GREM2: variants seen among roughly 807,000 people sequenced by gnomAD.
GREM2 encodes gremlin-2.
Under a neutral mutation model 14.2 loss-of-function variants are expected in GREM2, and 11 were observed. That is an observed-to-expected ratio of 0.78 (90% CI 0.49 to 1.28). GREM2 has a LOEUF of 1.28. Ranked by LOEUF, GREM2 falls within the 50% of genes most tolerant of loss-of-function variation. GREM2 has a pLI of 0.00. For missense variants in GREM2, 210 were observed against 218.5 expected (o/e 0.96, Z 0.24); for synonymous variants, 98 against 97.6 (o/e 1.00, Z -0.02).
chr1:240,515,659 C>G (rs1014739014), intron 1 of GREM2, among the ~76,000 whole-genome samples: 3 of 152,120 alleles, frequency 2.0e-5, no homozygotes, highest in African/African-American at 7.2e-5. Context: ...GGATAGGGGT[C>G]ATTGCAAAAT....
At chr1:240,586,875 T>G (rs2102860829) in intron 1 of GREM2, among the ~76,000 whole-genome samples, 1 of 152,312 alleles carries the variant, frequency 6.6e-6, no homozygotes, top group Non-Finnish European at 1.5e-5. Flanking sequence ...TCAGTTCTAC[T>G]TTTCTACTGA....
chr1:240,545,324 T>C (rs1469398776), intron 1 of GREM2, among the ~76,000 whole-genome samples: 1 of 152,224 alleles, frequency 6.6e-6, no homozygotes, highest in Non-Finnish European at 1.5e-5. Context: ...TCCTGGAGAT[T>C]GGTGCCCAGG....
intron 1 of GREM2, among the ~76,000 whole-genome samples, chr1:240,521,505 A>G (rs1158970327): frequency 6.6e-6 from 1 of 151,956 alleles, no homozygotes; most frequent in East Asian, 1.9e-4. Flanking sequence ...CGGGAGGCGG[A>G]GCTTACAGTG....
intron 1 of GREM2, among the ~76,000 whole-genome samples, chr1:240,602,366 CTTAAT>C (rs996351965): frequency 1.3e-4 from 19 of 151,976 alleles, no homozygotes; most frequent in African/African-American, 4.6e-4. Context: ...ATGTTTTTTC[CTTAAT>C]TTATTTTTTT....
chr1:240,497,561 ATGGGCAAAAGCAAAGGGTT>A (rs559899048), intron 1 of GREM2, among the ~76,000 whole-genome samples: 1 of 151,690 alleles, frequency 6.6e-6, no homozygotes, highest in Non-Finnish European at 1.5e-5. Flanking sequence ...GGGCGATGAT[ATGGGCAAAAGCAAAGGGTT>A]TGGTACTGTC....
chr1:240,518,757 G>A (rs1461554021), intron 1 of GREM2, among the ~76,000 whole-genome samples: 2 of 152,182 alleles, frequency 1.3e-5, no homozygotes, highest in African/African-American at 4.8e-5. Flanking sequence ...CAAAAGTTAT[G>A]CCATTGGTCA....
chr1:240,575,618 T>C (rs1050733132), intron 1 of GREM2, among the ~76,000 whole-genome samples: 1 of 151,850 alleles, frequency 6.6e-6, no homozygotes, highest in African/African-American at 2.4e-5. Context: ...CCTCCCGGGT[T>C]CAAGCGATTC....
intron 1 of GREM2, among the ~76,000 whole-genome samples, chr1:240,528,329 G>A (rs1336293443): frequency 6.6e-6 from 1 of 152,040 alleles, no homozygotes; most frequent in African/African-American, 2.4e-5. Context: ...TGACATTTCT[G>A]GGTTTGGATT....
intron 1 of GREM2, among the ~76,000 whole-genome samples, chr1:240,609,867 C>A (rs920058094): frequency 1.6e-4 from 24 of 151,978 alleles, no homozygotes; most frequent in Non-Finnish European, 1.9e-4. Context: ...AAGGCATGTA[C>A]CTTGTTTAAA....
At chr1:240,569,220 C>G (rs6676486) in intron 1 of GREM2, among the ~76,000 whole-genome samples, 70,584 of 151,830 alleles carry the variant, frequency 0.46, 16,632 homozygotes, top group African/African-American at 0.54. Context: ...TCAATGGAGA[C>G]AGACATATCT....
intron 1 of GREM2, among the ~76,000 whole-genome samples, chr1:240,597,444 T>C (rs1469623459): frequency 6.6e-6 from 1 of 152,178 alleles, no homozygotes; most frequent in East Asian, 1.9e-4. Context: ...AACAAGCACA[T>C]AATCTCTTCT....
chr1:240,573,392 C>T (rs1021348833), intron 1 of GREM2, among the ~76,000 whole-genome samples: 1 of 152,070 alleles, frequency 6.6e-6, no homozygotes, highest in African/African-American at 2.4e-5. Context: ...TTGGCTCAGG[C>T]TTCGTATATA....
At chr1:240,526,961 C>CTGAT in intron 1 of GREM2, among the ~76,000 whole-genome samples, 1 of 152,262 alleles carries the variant, frequency 6.6e-6, no homozygotes, top group Non-Finnish European at 1.5e-5. Flanking sequence ...ACCCTATTAG[C>CTGAT]TGATGTTCTA....
chr1:240,496,189 G>A (rs1458132854), intron 1 of GREM2, among the ~76,000 whole-genome samples: 2 of 152,030 alleles, frequency 1.3e-5, no homozygotes, highest in African/African-American at 4.8e-5. Flanking sequence ...TGCCGGTCTC[G>A]GCCTCCCAAA....
chr1:240,547,267 G>A (rs548898718), intron 1 of GREM2, among the ~76,000 whole-genome samples: 21 of 152,044 alleles, frequency 1.4e-4, no homozygotes, highest in Admixed American at 5.2e-4. Context: ...TTGGGAGGCC[G>A]AGGTGGGCGG....
chr1:240,491,607 C>T lies in GREM2; in HGVS notation c.*1362G>A, dbSNP rs1171973243. 1.3e-5 allele frequency: 2 copies of T among 152,604 alleles called. No homozygotes were observed. Among genetic ancestry groups the T allele is most frequent in the Non-Finnish European group, 2.9e-5 (2 of 68,042 alleles). The allele number at this position is 152,604 out of a possible 1,614,324, so 9.5% of individuals were successfully genotyped here. A position where few individuals can be genotyped will look rare whatever the true frequency, so the allele number is the denominator to read the frequency against. On this transcript the variant is annotated 3_prime_UTR_variant, in exon 2 of 2. Transcript: ENST00000318160. Reference sequence around the variant, plus strand: ...TGAAGTCTATTCTTTGAAAAGGAAGCATGTTTTGTGCAGAACAGTTCAACT... The same window carrying T: ...TGAAGTCTATTCTTTGAAAAGGAAGTATGTTTTGTGCAGAACAGTTCAACT...
At chr1:240,589,788 G>A (rs1389009861) in intron 1 of GREM2, among the ~76,000 whole-genome samples, 1 of 152,156 alleles carries the variant, frequency 6.6e-6, no homozygotes, top group African/African-American at 2.4e-5. Context: ...CACTTTAAGA[G>A]AAGTGCAAAG....
At chr1:240,576,428 A>C (rs1360111850) in intron 1 of GREM2, among the ~76,000 whole-genome samples, 1 of 152,220 alleles carries the variant, frequency 6.6e-6, no homozygotes, top group South Asian at 2.1e-4. Context: ...CGTTACTAGC[A>C]TCACCAGTCC....
chr1:240,555,170 G>GAAAGAAA (rs1678931244), intron 1 of GREM2, among the ~76,000 whole-genome samples: 1 of 151,844 alleles, frequency 6.6e-6, no homozygotes, highest in Non-Finnish European at 1.5e-5. Context: ...AAGAAAGAAA[G>GAAAGAAA]AAAGAAAAAA....
Sources: allele counts gnomAD v4.1 joint callset (sites outside exome capture counted in the v4.1 genomes callset), GRCh38; gene constraint gnomAD v4.1.1; transcripts MANE v1.5; gene names NCBI Gene and HGNC (gene_info 2026-07-23, HGNC 2026-07-21).